Variants in CIMIP2C observed in about 807,000 individuals in gnomAD.
CIMIP2C encodes the protein UPF0573 protein C2orf70.
the CIMIP2C span, among the ~76,000 whole-genome samples, chr2:26,571,375 G>T: frequency 6.6e-6 from 1 of 152,194 alleles, no homozygotes; most frequent in Non-Finnish European, 1.5e-5. Context: ...TTCCCTCCTT[G>T]TGGTTGATAG....
At chr2:26,570,684 G>A in the CIMIP2C span, among the ~76,000 whole-genome samples, 3 of 152,248 alleles carry the variant, frequency 2.0e-5, no homozygotes, top group South Asian at 6.2e-4. Context: ...GGCCTGAAGA[G>A]CAAGTGGGGC....
the CIMIP2C span, chr2:26,579,289 C>G: frequency 6.2e-7 from 1 of 1,613,962 alleles, no homozygotes; most frequent in Non-Finnish European, 8.5e-7. Context: ...CATCCTCACC[C>G]CTAGGCCTCC....
the CIMIP2C span, among the ~76,000 whole-genome samples, chr2:26,570,751 G>A: frequency 3.3e-5 from 5 of 152,338 alleles, no homozygotes; most frequent in Non-Finnish European, 7.3e-5. Flanking sequence ...GCAGTGATGG[G>A]CGAGAGGAGG....
chr2:26,575,454 G>A, the CIMIP2C span, among the ~76,000 whole-genome samples: 2 of 152,208 alleles, frequency 1.3e-5, no homozygotes, highest in Admixed American at 6.5e-5. Flanking sequence ...ACAGTGATTT[G>A]CCTACAGCAT....
chr2:26,562,769 A>G, the CIMIP2C span: 1 of 1,239,660 alleles, frequency 8.1e-7, no homozygotes, highest in Non-Finnish European at 1.2e-6. Context: ...CTGCCCCCGG[A>G]CTTTGGGGTT....
At chr2:26,571,968 A>G in the CIMIP2C span, 3 of 709,086 alleles carry the variant, frequency 4.2e-6, no homozygotes, top group Non-Finnish European at 6.0e-6. Context: ...AAATGGAAGA[A>G]TAAGTAGATT....
the CIMIP2C span, among the ~76,000 whole-genome samples, chr2:26,572,489 C>T: frequency 3.9e-5 from 6 of 152,192 alleles, no homozygotes; most frequent in South Asian, 8.3e-4. Flanking sequence ...CCCCTGTGAC[C>T]GCCTGGCTGG....
At chr2:26,578,753 A>T in the CIMIP2C span, 3 of 471,038 alleles carry the variant, frequency 6.4e-6, no homozygotes, top group African/African-American at 4.0e-5. Flanking sequence ...AGAGCGGGAC[A>T]TCTCAACTCT....
chr2:26,566,992 C>G, the CIMIP2C span, among the ~76,000 whole-genome samples: 128 of 152,294 alleles, frequency 8.4e-4, 1 homozygote, highest in South Asian at 0.025. Context: ...TTATAGAAGC[C>G]AACATGCCTG....
the CIMIP2C span, chr2:26,562,755 C>A: frequency 1.5e-6 from 2 of 1,330,706 alleles, no homozygotes; most frequent in Non-Finnish European, 2.1e-6. Flanking sequence ...CGAAATTCAG[C>A]CCCCTGCCCC....
chr2:26,576,071 C>T, the CIMIP2C span: 1 of 1,614,238 alleles, frequency 6.2e-7, no homozygotes, highest in Admixed American at 1.7e-5. Context: ...CAACCTCCTG[C>T]TGATGGAGCG....
the CIMIP2C span, chr2:26,578,512 G>A: frequency 1.2e-5 from 3 of 255,462 alleles, no homozygotes; most frequent in Admixed American, 9.7e-5. Flanking sequence ...GGAACGTGAG[G>A]CTCATTGATC....
the CIMIP2C span, among the ~76,000 whole-genome samples, chr2:26,575,196 C>A: frequency 6.6e-6 from 1 of 152,232 alleles, no homozygotes; most frequent in Non-Finnish European, 1.5e-5. Flanking sequence ...GCTCCAGAAC[C>A]TTAGTCAGCT....
the CIMIP2C span, among the ~76,000 whole-genome samples, chr2:26,571,055 T>C: frequency 6.6e-6 from 1 of 152,100 alleles, no homozygotes; most frequent in Admixed American, 6.5e-5. Context: ...GCGCTGAGTC[T>C]GTGGCGTGGT....
chr2:26,574,885 G>A, the CIMIP2C span, among the ~76,000 whole-genome samples: 7 of 152,368 alleles, frequency 4.6e-5, no homozygotes, highest in African/African-American at 1.7e-4. Flanking sequence ...TGGGAAGAGC[G>A]ATTTCAAGGG....
chr2:26,578,046 C>CG, the CIMIP2C span: 1 of 171,944 alleles, frequency 5.8e-6, no homozygotes. Context: ...GAATCTCCCC[C>CG]GGTCCCGTTC....
the CIMIP2C span, chr2:26,576,180 G>T: frequency 6.2e-7 from 1 of 1,609,208 alleles, no homozygotes; most frequent in Non-Finnish European, 8.5e-7. Context: ...TACCAGGTAA[G>T]CTGTGTGGGG....
the CIMIP2C span, among the ~76,000 whole-genome samples, chr2:26,571,145 G>C: frequency 6.6e-6 from 1 of 152,102 alleles, no homozygotes; most frequent in Non-Finnish European, 1.5e-5. Context: ...CAGAGGTAGA[G>C]AGGCTGTCAT....
the CIMIP2C span, among the ~76,000 whole-genome samples, chr2:26,570,198 AGAG>A: frequency 6.6e-6 from 1 of 152,254 alleles, no homozygotes; most frequent in Non-Finnish European, 1.5e-5. Context: ...AGCAGGGAGC[AGAG>A]GAGGAGTATG....
Sources: allele counts gnomAD v4.1 joint callset (sites outside exome capture counted in the v4.1 genomes callset), GRCh38; gene constraint gnomAD v4.1.1; transcripts MANE v1.5; gene names NCBI Gene and HGNC (gene_info 2026-07-23, HGNC 2026-07-21).